TMEFF2: variants seen among roughly 807,000 people sequenced by gnomAD.
The protein encoded by TMEFF2 is tomoregulin-2.
A neutral mutation model predicts 53.8 loss-of-function variants in TMEFF2; 28 were observed. The observed-to-expected ratio is 0.52, with a 90% CI of 0.39 to 0.71. The LOEUF is 0.71. Ranked by LOEUF, TMEFF2 falls within the 30% of genes least tolerant of loss-of-function variation. TMEFF2 has a pLI of 0.00. For synonymous variants in TMEFF2, 162 were observed against 166.3 expected (o/e 0.97, Z 0.20); for missense variants, 353 against 455.2 (o/e 0.78, Z 2.04).
intron 5 of TMEFF2, among the ~76,000 whole-genome samples, chr2:192,052,100 T>G (rs1687786836): frequency 1.3e-5 from 2 of 152,126 alleles, no homozygotes; most frequent in African/African-American, 4.8e-5. Flanking sequence ...CTGAGTGGCA[T>G]GTAGAGAATA....
intron 7 of TMEFF2, among the ~76,000 whole-genome samples, chr2:191,970,134 T>C (rs1190771144): frequency 6.6e-6 from 1 of 152,136 alleles, no homozygotes; most frequent in Non-Finnish European, 1.5e-5. Context: ...AGATCCATGG[T>C]AGATTTCCGT....
At position 192,072,537 on chromosome 2, in the gene TMEFF2, G is replaced by T. The variant is rs1261196714; in HGVS notation, c.440-14762C>A. ...ACTGTTGCTTTCATTTTTCCTCAATGCTGCTTAGATTTCTTCATGCATATT... is the reference window on the plus strand; with the variant it reads ...ACTGTTGCTTTCATTTTTCCTCAATTCTGCTTAGATTTCTTCATGCATATT... On this transcript the variant is annotated intron_variant, in intron 4 of 9. Coordinates refer to ENST00000272771, the MANE Select transcript of TMEFF2 (RefSeq NM_016192.4). Among the ~76,000 whole-genome samples, 4 of 151,470 alleles carry T rather than the reference G, an allele frequency of 2.6e-5. No individual in the cohort carries two copies. In the East Asian group the frequency reaches 7.8e-4, roughly 30 times the overall value.
At chr2:192,102,626 C>CTTTTTTT (rs10635775) in intron 4 of TMEFF2, among the ~76,000 whole-genome samples, 2,025 of 109,120 alleles carry the variant, frequency 0.019, 1 homozygote, top group Non-Finnish European at 0.023. Flanking sequence ...TTTTCTTGTT[C>CTTTTTTT]TTTTTTTTTT....
chr2:191,977,981 A>G (rs749235148), intron 7 of TMEFF2, among the ~76,000 whole-genome samples: 1 of 152,218 alleles, frequency 6.6e-6, no homozygotes, highest in Non-Finnish European at 1.5e-5. Context: ...GAATAAAAAC[A>G]TACTAATATC....
chr2:192,184,059 C>T (rs1384570783), intron 3 of TMEFF2, among the ~76,000 whole-genome samples: 1 of 152,082 alleles, frequency 6.6e-6, no homozygotes, highest in Non-Finnish European at 1.5e-5. Context: ...CGTTGGCAGT[C>T]TATCTAGATT....
intron 5 of TMEFF2, among the ~76,000 whole-genome samples, chr2:192,049,165 G>GTGTGTC (rs1356887148): frequency 1.3e-5 from 2 of 152,044 alleles, no homozygotes; most frequent in Non-Finnish European, 2.9e-5. Flanking sequence ...GTGTGTGTGT[G>GTGTGTC]TGTGTGTGCA....
chr2:192,075,305 ATATATATATAT>A (rs1559115071), intron 4 of TMEFF2, among the ~76,000 whole-genome samples: 2 of 27,958 alleles, frequency 7.2e-5, no homozygotes, highest in Non-Finnish European at 2.2e-4. Flanking sequence ...ATATATATAT[ATATATATATAT>A]ATATATATAT....
At chr2:192,189,296 C>T (rs539941142) in intron 2 of TMEFF2, among the ~76,000 whole-genome samples, 1 of 152,106 alleles carries the variant, frequency 6.6e-6, no homozygotes, top group Admixed American at 6.5e-5. Flanking sequence ...GTAATCCTAG[C>T]ACTTTGGGAG....
At chr2:192,011,915 C>A (rs1686636045) in intron 5 of TMEFF2, among the ~76,000 whole-genome samples, 1 of 151,970 alleles carries the variant, frequency 6.6e-6, no homozygotes, top group Non-Finnish European at 1.5e-5. Flanking sequence ...GAGACAGCGT[C>A]TCGCTCTGTC....
At chr2:192,175,066 G>A (rs776046119) in intron 4 of TMEFF2, among the ~76,000 whole-genome samples, 1 of 151,438 alleles carries the variant, frequency 6.6e-6, no homozygotes, top group African/African-American at 2.4e-5. Flanking sequence ...TTTCCATTGT[G>A]TGCTCAGAAG....
At chr2:192,034,781 TGAG>T (rs1481708777) in intron 5 of TMEFF2, 4 of 152,236 alleles carry the variant, frequency 2.6e-5, no homozygotes, top group African/African-American at 9.6e-5. Flanking sequence ...ATACTAGTTG[TGAG>T]GAGAAGTCAA....
intron 4 of TMEFF2, among the ~76,000 whole-genome samples, chr2:192,085,986 C>G (rs573089432): frequency 6.6e-6 from 1 of 152,240 alleles, no homozygotes; most frequent in Non-Finnish European, 1.5e-5. Flanking sequence ...TTACCTTTTT[C>G]TGTGTGTCAA....
chr2:192,082,001 C>T (rs909431104), intron 4 of TMEFF2, among the ~76,000 whole-genome samples: 3 of 152,002 alleles, frequency 2.0e-5, no homozygotes, highest in African/African-American at 4.8e-5. Flanking sequence ...AGGGTTTCAC[C>T]GTGTTAGCCA....
intron 5 of TMEFF2, among the ~76,000 whole-genome samples, chr2:192,017,276 A>G (rs1686764625): frequency 6.6e-6 from 1 of 152,158 alleles, no homozygotes. Flanking sequence ...GAAATTAACC[A>G]TGTGGTAGGT....
At position 192,061,355 on chromosome 2, in the gene TMEFF2, A is replaced by G. The variant is rs527280884; in HGVS notation, c.440-3580T>C. Among the ~76,000 whole-genome samples, 17 of 152,310 alleles carry G rather than the reference A, an allele frequency of 1.1e-4. 1 individual carries two copies. The East Asian group carries it at 1.7e-3, about 16-fold the overall frequency. On this transcript the variant is annotated intron_variant, in intron 4 of 9. Coordinates refer to ENST00000272771, the MANE Select transcript of TMEFF2 (RefSeq NM_016192.4). ...GCCAATCTTGAATCAAAATATTCAG[A>G]AAAAAAGTACAAAATAATAATGCAG...
rs71033662 is a variant in TMEFF2, at chr2:192,164,978, CTGTGTG to C, written c.439+14684_439+14689del. Among the ~76,000 whole-genome samples the C allele has an allele frequency of 4.2e-3, 605 of 145,210 alleles. 4 individuals are homozygous for C. Among genetic ancestry groups the C allele is most frequent in the African/African-American group, 0.014 (532 of 39,324 alleles). The stretch of plus-strand genomic sequence containing the variant: ...GCAGAATGAATACTCTGAATAAAAA[CTGTGTG>C]TGTGTGTGTGTGTGTGTGTGTGTGT... On this transcript the variant is annotated intron_variant, in intron 4 of 9. Transcript: ENST00000272771.
chr2:192,101,400 AAAC>A (rs1462142353), intron 4 of TMEFF2, among the ~76,000 whole-genome samples: 3 of 152,238 alleles, frequency 2.0e-5, no homozygotes, highest in Non-Finnish European at 4.4e-5. Context: ...GTTATTTACA[AAAC>A]AACAATATAG....
chr2:192,132,123 G>C (rs903318938), intron 4 of TMEFF2, among the ~76,000 whole-genome samples: 2 of 151,740 alleles, frequency 1.3e-5, no homozygotes, highest in Admixed American at 1.3e-4. Context: ...GGCCAAGCTA[G>C]GCCCCAATTC....
At chr2:192,043,292 T>G (rs972157332) in intron 5 of TMEFF2, among the ~76,000 whole-genome samples, 4 of 152,164 alleles carry the variant, frequency 2.6e-5, no homozygotes, top group African/African-American at 9.7e-5. Flanking sequence ...GGTCCCTTAA[T>G]CAAGTCTCAG....
Sources: allele counts gnomAD v4.1 joint callset (sites outside exome capture counted in the v4.1 genomes callset), GRCh38; gene constraint gnomAD v4.1.1; transcripts MANE v1.5; gene names NCBI Gene and HGNC (gene_info 2026-07-23, HGNC 2026-07-21).